Variants in SYNRG observed in about 807,000 individuals in gnomAD.
SYNRG encodes the protein AP1 gamma subunit binding protein 1.
A neutral mutation model predicts 130.9 loss-of-function variants in SYNRG; 37 were observed. That is an observed-to-expected ratio of 0.28 (90% CI 0.22 to 0.37). The LOEUF (loss-of-function observed/expected upper bound fraction) is 0.37. Among genes scored for constraint, SYNRG ranks in the 10% least tolerant of loss-of-function variants. SYNRG has a pLI of 1.00. For missense variants in SYNRG, 1,338 were observed against 1,588.9 expected (o/e 0.84, Z 2.68); for synonymous variants, 539 against 568.1 (o/e 0.95, Z 0.73).
chr17:37,538,882 C>T (rs1303102990), intron 17 of SYNRG, among the ~76,000 whole-genome samples: 4 of 152,230 alleles, frequency 2.6e-5, no homozygotes, highest in African/African-American at 9.6e-5. Context: ...TGTTGAGCCA[C>T]CGCACCCAGC....
intron 13 of SYNRG, among the ~76,000 whole-genome samples, chr17:37,559,856 C>T (rs910982524): frequency 2.0e-5 from 3 of 152,116 alleles, no homozygotes; most frequent in Non-Finnish European, 4.4e-5. Context: ...ATGCAAGCTT[C>T]CCGTGAAAGG....
At position 37,542,422 on chromosome 17, in the gene SYNRG, C is replaced by T; in HGVS notation, c.2752G>A (p.Gly918Arg). 6.2e-7 allele frequency: 1 copy of T among 1,614,124 alleles called. No homozygotes were observed. The highest frequency in any genetic ancestry group is 8.5e-7 in the Non-Finnish European group (1 of 1,180,040). ...AGAATTGAGGTGGCTGAGGGGGATC[C>T]ACTTCCTGCTGAGAGGACAAATGGA... ...LSPFVLSAGS[G>R]SPSATSILQK... The change falls in exon 15 of 22, where the codon GGA (glycine) becomes AGA (arginine). Residue 918 changes from glycine (G) to arginine (R), a missense_variant. Physicochemically the swap from Gly to Arg is moderately radical, Grantham distance 125 (BLOSUM62 -2). Coordinates refer to ENST00000612223, the MANE Select transcript of SYNRG (RefSeq NM_007247.6).
At chr17:37,540,967 G>C (rs1303926105) in intron 15 of SYNRG, 1 of 989,036 alleles carries the variant, frequency 1.0e-6, no homozygotes, top group Non-Finnish European at 1.2e-6. Context: ...TATGTCATGA[G>C]GCATTCACAA....
chr17:37,540,429 G>A lies in SYNRG; in HGVS notation c.3317C>T (p.Ala1106Val). 1.2e-6 allele frequency: 2 copies of A among 1,613,918 alleles called. No individual in the cohort carries two copies. Among genetic ancestry groups the A allele is most frequent in the East Asian group, 2.2e-5 (1 of 44,876 alleles). ...GTACTTGTCTCGGATGACGGGCAGG[G>A]CGGGCTTCTCATTCAGAGTATTGGA... ...DRSNTLNEKPALPVIRDKYKD... is the reference protein window; with the variant it reads ...DRSNTLNEKPVLPVIRDKYKD... The change falls in exon 16 of 22, where the codon GCC (alanine) becomes GTC (valine). Residue 1106 changes from alanine to valine, a missense_variant. Around this residue, in one of 3 missense-constraint regions of SYNRG, gnomAD observed 1,146 missense variants for 1,342.3 expected, o/e 0.85. Transcript: ENST00000612223.
intron 13 of SYNRG, among the ~76,000 whole-genome samples, chr17:37,554,883 T>C (rs1236487052): frequency 6.6e-6 from 1 of 152,168 alleles, no homozygotes; most frequent in African/African-American, 2.4e-5. Flanking sequence ...TTAGAGGGTA[T>C]GACTTAGACT....
intron 14 of SYNRG, 44 bp downstream of exon 14, chr17:37,553,071 A>C (rs904117780): frequency 7.7e-6 from 12 of 1,567,800 alleles, no homozygotes; most frequent in Non-Finnish European, 1.0e-5. Flanking sequence ...ATCATCTTTG[A>C]AATCTACAAC....
chr17:37,557,973 G>C (rs2059244572), intron 13 of SYNRG, among the ~76,000 whole-genome samples: 2 of 152,206 alleles, frequency 1.3e-5, no homozygotes, highest in South Asian at 4.1e-4. Flanking sequence ...TATTACACAA[G>C]AATCCTCATG....
chr17:37,541,980 G>C lies in SYNRG; in HGVS notation c.3194C>G (p.Ser1065Cys), dbSNP rs531031410. 10 of 1,612,810 alleles carry C rather than the reference G, an allele frequency of 6.2e-6. 1 individual carries two copies. The South Asian group carries it at 1.1e-4, about 18-fold the overall frequency. Reference sequence around the variant, plus strand: ...CCTTGGAAGCTACTCACCTTGAACAGAAAGGTCAAAGGTTGCCAGCTCACT... The same window carrying C: ...CCTTGGAAGCTACTCACCTTGAACACAAAGGTCAAAGGTTGCCAGCTCACT... ...IKSELATFDL[S>C]VQGSHKRSLS... Residue 1065 changes from serine to cysteine, a missense_variant, in exon 15 of 22, where the codon TCT becomes TGT. Ser to Cys is a moderately radical substitution (Grantham distance 112). Transcript: ENST00000612223.
intron 11 of SYNRG, among the ~76,000 whole-genome samples, chr17:37,564,334 C>T (rs573851036): frequency 1.3e-5 from 2 of 152,318 alleles, no homozygotes; most frequent in South Asian, 4.1e-4. Flanking sequence ...TCTAGTTTAA[C>T]ACCGAGTCTA....
chr17:37,595,951 C>T (rs1353343938), intron 3 of SYNRG, among the ~76,000 whole-genome samples: 1 of 152,136 alleles, frequency 6.6e-6, no homozygotes, highest in Non-Finnish European at 1.5e-5. Context: ...AACAGGGATT[C>T]ACCATGTTGG....
rs778790526 is a variant in SYNRG, at chr17:37,560,971, C to T, written c.1663+224G>A. On this transcript the variant is annotated intron_variant, in intron 13 of 21. Coordinates refer to ENST00000612223, the MANE Select transcript of SYNRG (RefSeq NM_007247.6). ...TGAGCCACTGCACCCAGCCTAAACA[C>T]GGTTGCTATTATTAAGGTTTTTTGA... is the stretch of plus-strand genomic sequence containing the variant. Among the ~76,000 whole-genome samples, 17 of 152,246 alleles carry T rather than the reference C, an allele frequency of 1.1e-4. 1 individual carries two copies. The highest frequency in any genetic ancestry group is 1.9e-4 in the Non-Finnish European group (13 of 68,018).
At chr17:37,522,289 A>G (rs912746770) in intron 19 of SYNRG, among the ~76,000 whole-genome samples, 1 of 151,114 alleles carries the variant, frequency 6.6e-6, no homozygotes, top group Non-Finnish European at 1.5e-5. Context: ...CAGCCTCTCA[A>G]ATAGCTGGGG....
intron 3 of SYNRG, among the ~76,000 whole-genome samples, chr17:37,589,272 G>A (rs2061945417): frequency 1.3e-5 from 2 of 152,184 alleles, no homozygotes; most frequent in South Asian, 2.1e-4. Context: ...AAAAGAAGAA[G>A]GATGATCCAT....
Position 37,554,059 on chromosome 17 carries a change from C to T in SYNRG, c.1664G>A (p.Gly555Glu). ...LEQTAENKPL[G>E]ESFAEFRSAG... is the part of the protein sequence containing the mutation. The stretch of plus-strand genomic sequence containing the variant: ...AGATCTGAATTCTGCAAAGCTTTCT[C>T]CTGAAAGAAAAAATACCACCAAACA... Residue 555 changes from glycine to glutamate, a missense_variant and splice_region_variant, in exon 14 of 22, where the codon GGA (glycine) becomes GAA (glutamate). Coordinates refer to ENST00000612223, the MANE Select transcript of SYNRG (RefSeq NM_007247.6). 1.9e-6 allele frequency: 3 copies of T among 1,587,502 alleles called. No homozygotes were observed. The highest frequency in any genetic ancestry group is 2.6e-6 in the Non-Finnish European group (3 of 1,173,802).
At chr17:37,529,475 C>T (rs1329509270) in intron 19 of SYNRG, among the ~76,000 whole-genome samples, 1 of 133,916 alleles carries the variant, frequency 7.5e-6, no homozygotes, top group African/African-American at 2.9e-5. Context: ...ATGCATTTTT[C>T]AAAACTCATT....
At position 37,570,628 on chromosome 17, in the gene SYNRG, G is replaced by A. The variant is rs1037558265; in HGVS notation, c.1347+9C>T. The A allele has an allele frequency of 5.0e-6, 8 of 1,605,310 alleles. No individual in the cohort carries two copies. The highest frequency in any genetic ancestry group is 2.2e-5 in the East Asian group (1 of 44,768). The stretch of plus-strand genomic sequence containing the variant: ...GATTATCTGAAATATGCACAGCTTC[G>A]CCATTTACCTGATTTGCAGGGTAGG... On this transcript the variant is annotated intron_variant, in intron 10 of 21. Coordinates refer to ENST00000612223, the MANE Select transcript of SYNRG (RefSeq NM_007247.6).
intron 8 of SYNRG, among the ~76,000 whole-genome samples, chr17:37,572,829 T>C (rs1033941099): frequency 5.3e-5 from 8 of 152,186 alleles, no homozygotes; most frequent in East Asian, 1.9e-4. Context: ...GACAATAACA[T>C]GGGTTTTCCA....
chr17:37,607,955 C>CAAAAAAAAAAAA (rs67822733), intron 1 of SYNRG, among the ~76,000 whole-genome samples: 17 of 51,100 alleles, frequency 3.3e-4, no homozygotes, highest in East Asian at 1.3e-3. Flanking sequence ...GACTTCCTCT[C>CAAAAAAAAAAAA]AAAAAAAAAA....
chr17:37,593,753 A>G (rs1294581629), intron 3 of SYNRG, among the ~76,000 whole-genome samples: 1 of 151,884 alleles, frequency 6.6e-6, no homozygotes, highest in Non-Finnish European at 1.5e-5. Context: ...GCGTGGTGGC[A>G]CATGCCTGTA....
Sources: allele counts gnomAD v4.1 joint callset (sites outside exome capture counted in the v4.1 genomes callset), GRCh38; gene constraint gnomAD v4.1.1; regional missense constraint gnomAD v4.1.1; transcripts MANE v1.5; gene names NCBI Gene and HGNC (gene_info 2026-07-23, HGNC 2026-07-21).